The following APBA2 variants were observed in gnomAD, a reference collection of about 807,000 sequenced individuals.
APBA2 encodes amyloid beta precursor protein binding family A member 2.
APBA2 carries 30 observed loss-of-function variants against 75.0 expected under a neutral mutation model. That is an observed-to-expected ratio of 0.40 (90% CI 0.30 to 0.54). APBA2 has a LOEUF of 0.54. APBA2 is among the 20% of genes least tolerant of loss of function. APBA2 has a pLI of 0.49. For synonymous variants in APBA2, 444 were observed against 409.6 expected, an observed-to-expected ratio of 1.08 and a Z score of -1.01; for missense variants, 801 against 1,016.1, an observed-to-expected ratio of 0.79 and a Z score of 2.88.
At chr15:29,022,943 T>C (rs1479245488) in intron 3 of APBA2, among the ~76,000 whole-genome samples, 1 of 152,232 alleles carries the variant, frequency 6.6e-6, no homozygotes, top group East Asian at 1.9e-4. Flanking sequence ...CTTTATAGTT[T>C]TGTTGCTATT....
At chr15:28,957,958 G>A (rs932508700) in intron 2 of APBA2, among the ~76,000 whole-genome samples, 6 of 152,210 alleles carry the variant, frequency 3.9e-5, no homozygotes, top group African/African-American at 1.2e-4. Flanking sequence ...GTCCTGCTGC[G>A]ACTGGGTTGA....
At chr15:29,036,526 A>G (rs2040761170) in intron 3 of APBA2, among the ~76,000 whole-genome samples, 1 of 151,926 alleles carries the variant, frequency 6.6e-6, no homozygotes, top group Non-Finnish European at 1.5e-5. Flanking sequence ...AGCTGCCTCC[A>G]CCCCAGCAAG....
At chr15:28,978,432 C>T (rs1030862087) in intron 2 of APBA2, among the ~76,000 whole-genome samples, 1 of 152,188 alleles carries the variant, frequency 6.6e-6, no homozygotes, top group Non-Finnish European at 1.5e-5. Flanking sequence ...GAGGCTTGCC[C>T]CAGGCCGGTG....
At chr15:29,039,068 G>A (rs2040889919) in intron 3 of APBA2, among the ~76,000 whole-genome samples, 1 of 149,970 alleles carries the variant, frequency 6.7e-6, no homozygotes, top group Non-Finnish European at 1.5e-5. Context: ...TGTCCTTTGA[G>A]CATGCAGCCT....
chr15:29,070,732 G>A (rs1039166910), intron 4 of APBA2: 2 of 240,082 alleles, frequency 8.3e-6, no homozygotes. Context: ...TGACCAGGGG[G>A]TCATGCTCTC....
chr15:29,043,580 A>G (rs2041158973), intron 3 of APBA2, among the ~76,000 whole-genome samples: 1 of 152,220 alleles, frequency 6.6e-6, no homozygotes, highest in Admixed American at 6.5e-5. Flanking sequence ...ATTTCTTCAC[A>G]GTTGATTCTG....
intron 6 of APBA2, among the ~76,000 whole-genome samples, chr15:29,078,037 C>T (rs1166089654): frequency 3.9e-5 from 6 of 152,230 alleles, no homozygotes; most frequent in Non-Finnish European, 8.8e-5. Flanking sequence ...TGGCTCACGC[C>T]TGTAATCCCA....
At chr15:28,917,508 A>AT (rs1023162752) in intron 1 of APBA2, among the ~76,000 whole-genome samples, 7 of 151,624 alleles carry the variant, frequency 4.6e-5, no homozygotes, top group East Asian at 3.9e-4. Context: ...AATAGATTTA[A>AT]TTTTTTTTTC....
chr15:28,959,589 C>A (rs541044679), intron 2 of APBA2, among the ~76,000 whole-genome samples: 5 of 152,156 alleles, frequency 3.3e-5, no homozygotes, highest in African/African-American at 1.2e-4. Context: ...GACTTCCAGT[C>A]GCCAGAACTG....
At chr15:29,038,647 T>A (rs927756534) in intron 3 of APBA2, among the ~76,000 whole-genome samples, 1 of 149,984 alleles carries the variant, frequency 6.7e-6, no homozygotes, top group Admixed American at 6.7e-5. Flanking sequence ...CCTATTTGGC[T>A]CTGTCCTATA....
chr15:28,908,698 A>C (rs2033270449), intron 1 of APBA2, among the ~76,000 whole-genome samples: 1 of 152,216 alleles, frequency 6.6e-6, no homozygotes, highest in Admixed American at 6.5e-5. Flanking sequence ...TTCTGAGAGA[A>C]TCGGCTGGTG....
intron 9 of APBA2, among the ~76,000 whole-genome samples, chr15:29,099,215 C>T (rs2044000365): frequency 6.6e-6 from 1 of 152,220 alleles, no homozygotes; most frequent in Non-Finnish European, 1.5e-5. Context: ...CCCCACCAAC[C>T]CTCCGAGCCC....
chr15:29,087,148 T>G (rs765481819), intron 6 of APBA2, among the ~76,000 whole-genome samples: 1 of 152,212 alleles, frequency 6.6e-6, no homozygotes, highest in Non-Finnish European at 1.5e-5. Context: ...ACTGTGTGGA[T>G]AGATGTCTCC....
intron 2 of APBA2, among the ~76,000 whole-genome samples, chr15:28,951,826 C>G (rs2035892303): frequency 6.7e-6 from 1 of 149,736 alleles, no homozygotes. Context: ...CATGATCCAT[C>G]CGCCTTGGCC....
intron 4 of APBA2, among the ~76,000 whole-genome samples, chr15:29,058,511 C>T (rs901306200): frequency 7.3e-5 from 11 of 151,520 alleles, no homozygotes; most frequent in African/African-American, 2.7e-4. Context: ...ACTCCCACCT[C>T]CAAAAAAAAA....
Position 28,991,146 on chromosome 15 carries a change from G to A in APBA2, c.-94-4607G>A, listed in dbSNP as rs759189950. On this transcript the variant is annotated intron_variant, in intron 2 of 14. Coordinates refer to ENST00000683413, the MANE Select transcript of APBA2 (RefSeq NM_001353788.2). This position sits in a 1 kb window ranked among gnomAD's most constrained non-coding sequence, Gnocchi z 4.7. ...AATTTAAACATTTTACTTGTAAAGA[G>A]CACTTTGGTATCCACCCCAAGGGCC... Among the ~76,000 whole-genome samples, 37 of 152,170 alleles carry A rather than the reference G, an allele frequency of 2.4e-4. No homozygotes were observed. Among genetic ancestry groups the A allele is most frequent in the Admixed American group, 2.6e-4 (4 of 15,272 alleles).
At chr15:28,990,022 C>T (rs1026660762) in intron 2 of APBA2, among the ~76,000 whole-genome samples, 1 of 152,132 alleles carries the variant, frequency 6.6e-6, no homozygotes, top group Non-Finnish European at 1.5e-5. Context: ...CTGAGAAGGG[C>T]GCGGGGAACT....
At chr15:28,895,193 G>A (rs1201583915) in intron 1 of APBA2, among the ~76,000 whole-genome samples, 1 of 152,192 alleles carries the variant, frequency 6.6e-6, no homozygotes, top group Admixed American at 6.5e-5. Context: ...GGCACACAGG[G>A]AGGCCTGGGT....
In APBA2 at chr15:29,034,981, T is replaced by C. The variant is rs77675396; in HGVS notation, c.-40-18864T>C. On this transcript the variant is annotated intron_variant, in intron 3 of 14. Coordinates refer to ENST00000683413, the MANE Select transcript of APBA2 (RefSeq NM_001353788.2). ...GACAGAATGGGAAGTTTGGCAGGAA[T>C]AAAGATGACTTCCACCCACAGGCTC... 2.3e-3 allele frequency among the ~76,000 whole-genome samples: 350 copies of C among 152,346 alleles called. 7 individuals are homozygous for C. Among genetic ancestry groups the C allele is most frequent in the Admixed American group, 0.016 (243 of 15,306 alleles).
Sources: allele counts gnomAD v4.1 joint callset (sites outside exome capture counted in the v4.1 genomes callset), GRCh38; gene constraint gnomAD v4.1.1; non-coding constraint Gnocchi (gnomAD v3.1); transcripts MANE v1.5; gene names NCBI Gene and HGNC (gene_info 2026-07-23, HGNC 2026-07-21).